Variants in TMEM117 observed in about 807,000 individuals in gnomAD.
TMEM117 encodes transmembrane protein 117.
A neutral mutation model predicts 52.4 loss-of-function variants in TMEM117; 27 were observed. The observed-to-expected ratio is 0.51, with a 90% confidence interval of 0.38 to 0.71. The LOEUF (loss-of-function observed/expected upper bound fraction) is 0.71, where lower values mean the gene tolerates loss of function less well. TMEM117 is among the 30% of genes least tolerant of loss of function. The pLI is 0.00. For synonymous variants in TMEM117, 215 were observed against 206.3 expected (o/e 1.04, Z -0.36); for missense variants, 556 against 630.5 (o/e 0.88, Z 1.26).
At chr12:44,146,044 C>T (rs762485230) in intron 4 of TMEM117, among the ~76,000 whole-genome samples, 14 of 152,026 alleles carry the variant, frequency 9.2e-5, no homozygotes, top group East Asian at 1.9e-4. Context: ...TTAAATTAGC[C>T]TTTTTTCTTT....
At chr12:44,340,212 C>A (rs564912554) in intron 6 of TMEM117, among the ~76,000 whole-genome samples, 5 of 152,010 alleles carry the variant, frequency 3.3e-5, no homozygotes, top group African/African-American at 1.2e-4. Context: ...TGACTCCTTA[C>A]ACCAAAGGAA....
At chr12:44,382,612 G>A (rs1390655293) in intron 7 of TMEM117, among the ~76,000 whole-genome samples, 3 of 152,112 alleles carry the variant, frequency 2.0e-5, no homozygotes, top group Non-Finnish European at 4.4e-5. Flanking sequence ...ATCTAATTCA[G>A]TATAACCACT....
chr12:44,179,785 A>G lies in TMEM117; in HGVS notation c.511-31505A>G, dbSNP rs1949165930. On this transcript the variant is annotated intron_variant, in intron 4 of 7. Transcript: ENST00000266534. ...CTAATGTTAACCATCACAGTGGTCT[A>G]TTATTACTGACTATCTTTATCATTG... Among the ~76,000 whole-genome samples the G allele has an allele frequency of 1.3e-5, 2 of 152,242 alleles. 1 individual carries two copies. The highest frequency in any genetic ancestry group is 4.1e-4 in the South Asian group (2 of 4,834).
intron 3 of TMEM117, among the ~76,000 whole-genome samples, chr12:43,968,405 A>G (rs1348611063): frequency 6.6e-6 from 1 of 152,212 alleles, no homozygotes; most frequent in Non-Finnish European, 1.5e-5. Flanking sequence ...TGCATATTTG[A>G]CTTTTTCAAC....
At chr12:44,214,413 C>A (rs2138408076) in intron 5 of TMEM117, among the ~76,000 whole-genome samples, 1 of 152,150 alleles carries the variant, frequency 6.6e-6, no homozygotes, top group South Asian at 2.1e-4. Flanking sequence ...GATGATCCAC[C>A]CACCTTGGGC....
At chr12:44,064,920 T>C (rs1565813360) in intron 3 of TMEM117, among the ~76,000 whole-genome samples, 1 of 152,004 alleles carries the variant, frequency 6.6e-6, no homozygotes, top group Non-Finnish European at 1.5e-5. Flanking sequence ...AAAGGGGGGG[T>C]AACTATGTGT....
At chr12:44,053,999 C>A (rs1365745957) in intron 3 of TMEM117, among the ~76,000 whole-genome samples, 3 of 152,014 alleles carry the variant, frequency 2.0e-5, no homozygotes, top group African/African-American at 7.2e-5. Context: ...GTTTTTTGCA[C>A]CAGGTTAGGT....
chr12:44,224,146 C>CCA (rs975677198), intron 5 of TMEM117, among the ~76,000 whole-genome samples: 9 of 151,672 alleles, frequency 5.9e-5, no homozygotes, highest in African/African-American at 1.5e-4. Flanking sequence ...TTACACACAC[C>CCA]CACACACACA....
chr12:43,807,496 T>C, the TMEM117 span, among the ~76,000 whole-genome samples: 1 of 152,230 alleles, frequency 6.6e-6, no homozygotes, highest in Non-Finnish European at 1.5e-5. Flanking sequence ...AATCAAATTC[T>C]TCCTGACACA....
At chr12:44,085,826 T>C (rs1057316403) in intron 3 of TMEM117, among the ~76,000 whole-genome samples, 6 of 152,170 alleles carry the variant, frequency 3.9e-5, no homozygotes, top group African/African-American at 1.4e-4. Flanking sequence ...CACTGTCTCT[T>C]TGGGCTCCTT....
At chr12:44,298,013 A>G (rs1283900020) in intron 5 of TMEM117, among the ~76,000 whole-genome samples, 1 of 152,176 alleles carries the variant, frequency 6.6e-6, no homozygotes, top group Non-Finnish European at 1.5e-5. Flanking sequence ...TGCAATTTTA[A>G]TAAAATAATG....
intron 6 of TMEM117, among the ~76,000 whole-genome samples, chr12:44,355,577 G>A (rs1951636039): frequency 6.6e-6 from 1 of 152,004 alleles, no homozygotes; most frequent in Non-Finnish European, 1.5e-5. Context: ...ACATAGAGAA[G>A]CTTGATATAA....
chr12:44,016,033 TA>T (rs1946368152), intron 3 of TMEM117, among the ~76,000 whole-genome samples: 1 of 152,166 alleles, frequency 6.6e-6, no homozygotes, highest in Non-Finnish European at 1.5e-5. Flanking sequence ...TACCCAGGAA[TA>T]AACTGTTAAT....
intron 3 of TMEM117, among the ~76,000 whole-genome samples, chr12:44,036,979 G>A (rs529672103): frequency 1.3e-5 from 2 of 152,068 alleles, no homozygotes. Flanking sequence ...CTTTCATATT[G>A]ATGGCAGCAG....
intron 2 of TMEM117, among the ~76,000 whole-genome samples, chr12:43,916,580 C>G (rs1486271629): frequency 1.3e-5 from 2 of 152,094 alleles, no homozygotes; most frequent in African/African-American, 4.8e-5. Context: ...AGGATGCTGC[C>G]TTTATTTTAC....
chr12:43,809,374 G>A, the TMEM117 span, among the ~76,000 whole-genome samples: 1 of 152,150 alleles, frequency 6.6e-6, no homozygotes, highest in Non-Finnish European at 1.5e-5. Flanking sequence ...GTATGACCAT[G>A]AACAACATTA....
chr12:44,243,674 G>A (rs114870064), intron 5 of TMEM117, among the ~76,000 whole-genome samples: 1,746 of 151,762 alleles, frequency 0.012, 21 homozygotes, highest in South Asian at 0.052. Flanking sequence ...TATAAAATAC[G>A]TTATTATTAA....
At chr12:44,368,823 A>G (rs1951824791) in intron 6 of TMEM117, among the ~76,000 whole-genome samples, 1 of 152,194 alleles carries the variant, frequency 6.6e-6, no homozygotes, top group African/African-American at 2.4e-5. Flanking sequence ...TTGTTCCACT[A>G]GATTTCATTC....
chr12:44,255,303 C>T (rs1950246934), intron 5 of TMEM117, among the ~76,000 whole-genome samples: 1 of 151,930 alleles, frequency 6.6e-6, no homozygotes, highest in South Asian at 2.1e-4. Context: ...CAAACAACCC[C>T]ATCAAAAAGT....
Sources: allele counts gnomAD v4.1 joint callset (sites outside exome capture counted in the v4.1 genomes callset), GRCh38; gene constraint gnomAD v4.1.1; transcripts MANE v1.5; gene names NCBI Gene and HGNC (gene_info 2026-07-23, HGNC 2026-07-21).